SLFN12L: variants seen among roughly 807,000 people sequenced by gnomAD.
The protein encoded by SLFN12L is schlafen family member 12-like.
A neutral mutation model predicts 34.8 loss-of-function variants in SLFN12L; 34 were observed. That is an observed-to-expected ratio of 0.98 (90% CI 0.74 to 1.30). SLFN12L has a LOEUF of 1.30. Ranked by LOEUF, SLFN12L falls within the 50% of genes most tolerant of loss-of-function variation. SLFN12L has a pLI of 0.00. For synonymous variants in SLFN12L, 259 were observed against 247.5 expected, an observed-to-expected ratio of 1.05 and a Z score of -0.44; for missense variants, 703 against 696.2, an observed-to-expected ratio of 1.01 and a Z score of -0.11.
intron 2 of SLFN12L, among the ~76,000 whole-genome samples, chr17:35,501,822 G>C (rs1915304221): frequency 6.6e-6 from 1 of 152,186 alleles, no homozygotes; most frequent in Non-Finnish European, 1.5e-5. Context: ...AAGGTAACTT[G>C]TAAGCCAGGG....
At chr17:35,512,376 T>C (rs1915679407) in intron 2 of SLFN12L, among the ~76,000 whole-genome samples, 1 of 138,418 alleles carries the variant, frequency 7.2e-6, no homozygotes, top group South Asian at 2.4e-4. Flanking sequence ...TTTTTTTTTT[T>C]TTTTTTTGAA....
intron 1 of SLFN12L, among the ~76,000 whole-genome samples, chr17:35,525,840 C>A (rs1223283549): frequency 6.6e-6 from 1 of 152,174 alleles, no homozygotes; most frequent in Non-Finnish European, 1.5e-5. Context: ...GTAACAGGAT[C>A]AAATTCACAC....
At position 35,474,879 on chromosome 17, in the gene SLFN12L, C is replaced by A; in HGVS notation, c.*44G>T. The A allele has an allele frequency of 1.3e-6, 2 of 1,485,542 alleles. No individual in the cohort carries two copies. The highest frequency in any genetic ancestry group is 1.4e-5 in the African/African-American group (1 of 71,208). 92.0% of individuals were successfully genotyped at this position (1,485,542 alleles called of 1,614,324 possible). A position where few individuals can be genotyped will look rare whatever the true frequency, so the allele number is the denominator to read the frequency against. ...CCAGGAGGCAGAGGTTGCAGTGAGT[C>A]GAGATCGTGTCACTACACTCCAGTC... On this transcript the variant is annotated 3_prime_UTR_variant, in exon 5 of 5. Transcript: ENST00000628453.
chr17:35,479,850 G>C lies in SLFN12L; in HGVS notation c.432C>G (p.Tyr144Ter), dbSNP rs1369386064. Residue 144 changes from tyrosine (Y) to a stop codon, truncating the protein, a stop_gained, in exon 3 of 5, where the codon TAC becomes TAG. Coordinates refer to ENST00000628453, the MANE Select transcript of SLFN12L (RefSeq NM_001363830.2). LOFTEE classifies it high-confidence loss of function. The part of the protein sequence containing the change: ...NFLDFMQNGN[Y>*]FHIFVKSWSL... ...TCCATGATTTCACAAAAATGTGAAA[G>C]TAGTTACCATTCTGCATGAAGTCCA... 1 of 1,606,822 alleles carries C rather than the reference G, an allele frequency of 6.2e-7. No individual in the cohort carries two copies. Among genetic ancestry groups the C allele is most frequent in the African/African-American group, 1.3e-5 (1 of 74,606 alleles).
chr17:35,487,233 G>T (rs1914616249), intron 2 of SLFN12L, among the ~76,000 whole-genome samples: 3 of 152,244 alleles, frequency 2.0e-5, no homozygotes. Context: ...GAGCCACCGC[G>T]CCCGGCCGCC....
intron 3 of SLFN12L, among the ~76,000 whole-genome samples, chr17:35,478,723 G>A (rs1333208659): frequency 6.6e-6 from 1 of 152,136 alleles, no homozygotes; most frequent in Non-Finnish European, 1.5e-5. Context: ...GGAAATAAAT[G>A]GAAAGTGGGT....
chr17:35,534,901 C>T (rs2072444113), intron 1 of SLFN12L, among the ~76,000 whole-genome samples: 1 of 152,138 alleles, frequency 6.6e-6, no homozygotes, highest in African/African-American at 2.4e-5. Flanking sequence ...ACAGGAAGAG[C>T]TAATCAATCA....
rs1913797700 is a variant in SLFN12L at position 35,470,977 on chromosome 17, C to A, written c.*3946G>T. Among the ~76,000 whole-genome samples the A allele has an allele frequency of 2.0e-5, 3 of 152,154 alleles. No homozygotes were observed. Among genetic ancestry groups the A allele is most frequent in the Admixed American group, 6.6e-5 (1 of 15,266 alleles). ...GCTTCCAGCTTCATCCATGTCCCTG[C>A]AAAGGTCATGATCTCATTCCTTTTT... is the stretch of plus-strand genomic sequence containing the variant. On this transcript the variant is annotated 3_prime_UTR_variant, in exon 5 of 5. Coordinates refer to ENST00000628453, the MANE Select transcript of SLFN12L (RefSeq NM_001363830.2).
chr17:35,524,871 A>T (rs947314949), intron 1 of SLFN12L, among the ~76,000 whole-genome samples: 1 of 152,136 alleles, frequency 6.6e-6, no homozygotes, highest in Non-Finnish European at 1.5e-5. Context: ...ACAAATTGAC[A>T]GACGTAGGCT....
intron 2 of SLFN12L, chr17:35,480,530 G>C (rs1250439710): frequency 5.0e-6 from 1 of 199,826 alleles, no homozygotes; most frequent in African/African-American, 2.3e-5. Flanking sequence ...GGGATTCTAT[G>C]TTTTTATTTT....
intron 2 of SLFN12L, chr17:35,490,580 C>A (rs1597846649): frequency 1.2e-6 from 1 of 823,400 alleles, no homozygotes; most frequent in Non-Finnish European, 2.1e-6. Flanking sequence ...GGCATGCTGA[C>A]CCAGTGTCAA....
Position 35,475,091 on chromosome 17 carries a change from C to A in SLFN12L, c.1671G>T (p.Ser557=), listed in dbSNP as rs750552108. The change falls in exon 5 of 5, where the codon TCG becomes TCT. Residue 557 remains serine (S), a synonymous_variant. Coordinates refer to ENST00000628453, the MANE Select transcript of SLFN12L (RefSeq NM_001363830.2). ...GKTSCQYDLN[S]QVIYPESYYW... The stretch of plus-strand genomic sequence containing the variant: ...AGTAGGATTCAGGGTAAATTACTTG[C>A]GAGTTTAAATCATACTGGCAGCTTG... The A allele has an allele frequency of 2.5e-6, 4 of 1,613,930 alleles. No individual in the cohort carries two copies. Among genetic ancestry groups the A allele is most frequent in the African/African-American group, 1.3e-5 (1 of 74,918 alleles).
chr17:35,466,936 C>T lies in SLFN12L; in HGVS notation c.*7987G>A, dbSNP rs1178656758. Among the ~76,000 whole-genome samples, 1 of 152,196 alleles carries T rather than the reference C, an allele frequency of 6.6e-6. No homozygotes were observed. Among genetic ancestry groups the T allele is most frequent in the African/African-American group, 2.4e-5 (1 of 41,444 alleles). Reference sequence around the variant, plus strand: ...ATTCTGAGTCTGTGACCCTCCATACCTGGCTACCTGTTATGCTTTCAGTCA... The same window carrying T: ...ATTCTGAGTCTGTGACCCTCCATACTTGGCTACCTGTTATGCTTTCAGTCA... On this transcript the variant is annotated 3_prime_UTR_variant, in exon 5 of 5. Coordinates refer to ENST00000628453, the MANE Select transcript of SLFN12L (RefSeq NM_001363830.2).
At chr17:35,489,278 G>A (rs965800598) in intron 2 of SLFN12L, among the ~76,000 whole-genome samples, 1 of 151,928 alleles carries the variant, frequency 6.6e-6, no homozygotes, top group African/African-American at 2.4e-5. Context: ...CCTATACCGT[G>A]GCAGTGGCTC....
intron 2 of SLFN12L, among the ~76,000 whole-genome samples, chr17:35,503,929 A>G (rs1052704392): frequency 7.2e-5 from 11 of 152,124 alleles, no homozygotes; most frequent in Admixed American, 5.9e-4. Flanking sequence ...CCAAGAAAGC[A>G]CCACCCCCTC....
intron 4 of SLFN12L, among the ~76,000 whole-genome samples, chr17:35,477,769 C>A (rs1158727606): frequency 6.6e-6 from 1 of 151,998 alleles, no homozygotes; most frequent in Non-Finnish European, 1.5e-5. Flanking sequence ...AGAAGTCTGG[C>A]ATTGGAAAAG....
chr17:35,469,144 A>C lies in SLFN12L; in HGVS notation c.*5779T>G, dbSNP rs1913760275. Among the ~76,000 whole-genome samples, 1 of 145,722 alleles carries C rather than the reference A, an allele frequency of 6.9e-6. No homozygotes were observed. Among genetic ancestry groups the C allele is most frequent in the African/African-American group, 2.6e-5 (1 of 38,926 alleles). Reference sequence around the variant, plus strand: ...CAGTGCCTACCCCTACTACCCCCTCAAGCTTTCCCCCGTGACTTCCTGCCC... The same window carrying C: ...CAGTGCCTACCCCTACTACCCCCTCCAGCTTTCCCCCGTGACTTCCTGCCC... On this transcript the variant is annotated 3_prime_UTR_variant, in exon 5 of 5. Transcript: ENST00000628453.
Position 35,475,190 on chromosome 17 carries a change from C to T in SLFN12L, c.1572G>A (p.Leu524=). 6.2e-7 allele frequency: 1 copy of T among 1,614,122 alleles called. No individual in the cohort carries two copies. Among genetic ancestry groups the T allele is most frequent in the South Asian group, 1.1e-5 (1 of 91,088 alleles). The change falls in exon 5 of 5, where the codon CTG becomes CTA. Residue 524 remains leucine, a synonymous_variant. Transcript: ENST00000628453. ...TTTTAGTGTAACCACCAATTTTTGC[C>T]AGCTTCTGTTTTAAAGTTTGGGCAG... ...TQTAQTLKQK[L]AKIGGYTKKV...
intron 2 of SLFN12L, chr17:35,490,306 A>T: frequency 1.4e-6 from 2 of 1,457,540 alleles, no homozygotes; most frequent in Non-Finnish European, 1.9e-6. Context: ...CTGCACTAAG[A>T]AGTCCAGATA....
Sources: allele counts gnomAD v4.1 joint callset (sites outside exome capture counted in the v4.1 genomes callset), GRCh38; gene constraint gnomAD v4.1.1; transcripts MANE v1.5; gene names NCBI Gene and HGNC (gene_info 2026-07-23, HGNC 2026-07-21).